SEMA5A: variants seen among roughly 807,000 people sequenced by gnomAD.
The protein encoded by SEMA5A is semaphorin 5A, also known as semaphorin-5A.
A neutral mutation model predicts 135.5 loss-of-function variants in SEMA5A; 55 were observed. That is an observed-to-expected ratio of 0.41 (90% CI 0.33 to 0.51). SEMA5A has a LOEUF of 0.51. Among genes scored for constraint, SEMA5A ranks in the 20% least tolerant of loss-of-function variants. The pLI is 0.37. For synonymous variants in SEMA5A, 580 were observed against 546.5 expected, an observed-to-expected ratio of 1.06 and a Z score of -0.85; for missense variants, 1,290 against 1,419.9, an observed-to-expected ratio of 0.91 and a Z score of 1.47.
At chr5:9,165,049 A>C (rs1000115377) in intron 11 of SEMA5A, among the ~76,000 whole-genome samples, 1 of 152,162 alleles carries the variant, frequency 6.6e-6, no homozygotes, top group African/African-American at 2.4e-5. Context: ...TTTAATGCTT[A>C]AACAGTATTT....
At chr5:9,499,677 C>CT (rs1291074201) in intron 1 of SEMA5A, among the ~76,000 whole-genome samples, 6 of 152,198 alleles carry the variant, frequency 3.9e-5, no homozygotes, top group Admixed American at 3.9e-4. Flanking sequence ...TTTTACTTCT[C>CT]TTTTATCGCT....
intron 1 of SEMA5A, among the ~76,000 whole-genome samples, chr5:9,537,385 G>C (rs745452298): frequency 5.3e-5 from 8 of 152,136 alleles, no homozygotes; most frequent in Non-Finnish European, 1.0e-4. Flanking sequence ...GAGAACATTA[G>C]CTTGTTGAAA....
chr5:9,532,818 CCAAAG>C (rs1737530323), intron 1 of SEMA5A, among the ~76,000 whole-genome samples: 3 of 152,120 alleles, frequency 2.0e-5, no homozygotes, highest in Non-Finnish European at 4.4e-5. Context: ...TTCATGTAAA[CCAAAG>C]AGAAGAGTGA....
chr5:9,114,751 T>G lies in SEMA5A; in HGVS notation c.1925+4247A>C, dbSNP rs951636425. Among the ~76,000 whole-genome samples the G allele has an allele frequency of 2.0e-5, 3 of 152,222 alleles. 1 individual carries two copies. Among genetic ancestry groups the G allele is most frequent in the Admixed American group, 6.5e-5 (1 of 15,290 alleles). On this transcript the variant is annotated intron_variant, in intron 15 of 22. Coordinates refer to ENST00000382496, the MANE Select transcript of SEMA5A (RefSeq NM_003966.3). ...TTAAACTAAAAGAACAGGAACTGGA[T>G]GATTTTGGAAATCAGTCACTTTTAA...
intron 6 of SEMA5A, among the ~76,000 whole-genome samples, chr5:9,234,617 C>T (rs1018299968): frequency 6.6e-6 from 1 of 152,050 alleles, no homozygotes; most frequent in Non-Finnish European, 1.5e-5. Flanking sequence ...CTTAAGGCAA[C>T]CTAAAAGAAC....
intron 11 of SEMA5A, among the ~76,000 whole-genome samples, chr5:9,170,336 T>C (rs1339821164): frequency 6.6e-6 from 1 of 152,226 alleles, no homozygotes; most frequent in Non-Finnish European, 1.5e-5. Flanking sequence ...TAGATACCCA[T>C]GCATGTCACT....
intron 2 of SEMA5A, among the ~76,000 whole-genome samples, chr5:9,429,395 T>C (rs1429037816): frequency 6.6e-6 from 1 of 152,202 alleles, no homozygotes; most frequent in Non-Finnish European, 1.5e-5. Flanking sequence ...CTTAGTCCCT[T>C]ACCTCACCTA....
chr5:9,184,138 G>T (rs1464048512), intron 11 of SEMA5A, among the ~76,000 whole-genome samples: 1 of 151,680 alleles, frequency 6.6e-6, no homozygotes, highest in Admixed American at 6.6e-5. Flanking sequence ...TTTATTCTTG[G>T]ATGAGTATAA....
Position 9,042,965 on chromosome 5 carries a change from G to T in SEMA5A, c.3157C>A (p.Pro1053Thr). Residue 1053 changes from proline (P) to threonine (T), a missense_variant, in exon 23 of 23, where the codon CCA (proline) becomes ACA (threonine). Pro to Thr is a conservative substitution (Grantham distance 38, BLOSUM62 -1). This residue lies in a region of SEMA5A where 1,029 missense variants were observed against 1,086.6 expected (regional missense o/e 0.95). Transcript: ENST00000382496. The part of the protein sequence containing the change: ...ILEERNKYFN[P>T]HLTGKTYSNA... Reference sequence around the variant, plus strand: ...GAATAGGTCTTCCCAGTGAGATGTGGGTTGAAGTATTTGTTTCTTTCCTCT... The same window carrying T: ...GAATAGGTCTTCCCAGTGAGATGTGTGTTGAAGTATTTGTTTCTTTCCTCT... 1 of 1,612,592 alleles carries T rather than the reference G, an allele frequency of 6.2e-7. No homozygotes were observed. Among genetic ancestry groups the T allele is most frequent in the Non-Finnish European group, 8.5e-7 (1 of 1,178,792 alleles).
At chr5:9,255,360 A>G (rs538909722) in intron 5 of SEMA5A, among the ~76,000 whole-genome samples, 1 of 152,324 alleles carries the variant, frequency 6.6e-6, no homozygotes, top group South Asian at 2.1e-4. Context: ...GGTGCTGACC[A>G]CATTATGGGT....
chr5:9,065,178 G>T (rs139173078), intron 17 of SEMA5A, among the ~76,000 whole-genome samples: 1 of 152,200 alleles, frequency 6.6e-6, no homozygotes, highest in Non-Finnish European at 1.5e-5. Flanking sequence ...GAGGAGAGGA[G>T]AGAGTTAATG....
At chr5:9,473,875 A>C (rs773473087) in intron 1 of SEMA5A, among the ~76,000 whole-genome samples, 9 of 152,184 alleles carry the variant, frequency 5.9e-5, no homozygotes, top group Non-Finnish European at 1.0e-4. Flanking sequence ...TGAGCAGCAC[A>C]GCAGTCCAAA....
chr5:9,162,396 GTGTGTGTGTATATATA>G lies in SEMA5A; in HGVS notation c.1274-7717_1274-7702del, dbSNP rs1479699461. On this transcript the variant is annotated intron_variant, in intron 11 of 22. Coordinates refer to ENST00000382496, the MANE Select transcript of SEMA5A (RefSeq NM_003966.3). Reference sequence around the variant, plus strand: ...TTCAAACAAACATGTGTGTGTGTGTGTGTGTGTGTATATATATGTGTGTGTATATATATGTATATAT... The same window carrying G: ...TTCAAACAAACATGTGTGTGTGTGTGTGTGTGTGTATATATATGTATATAT... 1.6e-4 allele frequency among the ~76,000 whole-genome samples: 22 copies of G among 138,570 alleles called. No individual in the cohort carries two copies. In the East Asian group the frequency reaches 4.1e-3, roughly 26 times the overall value. 90.9% of individuals were successfully genotyped at this position (138,570 alleles called of 152,430 possible). A position where few individuals can be genotyped will look rare whatever the true frequency, so the allele number is the denominator to read the frequency against.
intron 16 of SEMA5A, among the ~76,000 whole-genome samples, chr5:9,104,194 G>T (rs1031003069): frequency 1.3e-5 from 2 of 152,078 alleles, no homozygotes; most frequent in Admixed American, 1.3e-4. Context: ...ATCTTTCTCA[G>T]GCTGATTTTT....
At chr5:9,221,539 T>G (rs1179459710) in intron 8 of SEMA5A, among the ~76,000 whole-genome samples, 6 of 152,040 alleles carry the variant, frequency 3.9e-5, no homozygotes, top group South Asian at 4.1e-4. Context: ...CCTGACCTCG[T>G]GATCCGCCCG....
chr5:9,474,486 T>A (rs1467948101), intron 1 of SEMA5A, among the ~76,000 whole-genome samples: 1 of 146,896 alleles, frequency 6.8e-6, no homozygotes. Flanking sequence ...GAAGCATGCT[T>A]AAAAAAAAAA....
chr5:9,337,095 T>C (rs563448631), intron 4 of SEMA5A, among the ~76,000 whole-genome samples: 2 of 152,226 alleles, frequency 1.3e-5, no homozygotes, highest in Non-Finnish European at 2.9e-5. Flanking sequence ...AGTGGCCTCA[T>C]TGTCAAACTG....
At chr5:9,447,337 T>C (rs1758470517) in intron 1 of SEMA5A, among the ~76,000 whole-genome samples, 1 of 152,232 alleles carries the variant, frequency 6.6e-6, no homozygotes, top group South Asian at 2.1e-4. Context: ...AATTGCGTTT[T>C]GCCTTGGAAG....
At chr5:9,293,648 A>AT (rs796561088) in intron 5 of SEMA5A, among the ~76,000 whole-genome samples, 113 of 152,252 alleles carry the variant, frequency 7.4e-4, no homozygotes, top group African/African-American at 2.6e-3. Context: ...GTGTTATTTG[A>AT]TCATCTAATT....
Sources: allele counts gnomAD v4.1 joint callset (sites outside exome capture counted in the v4.1 genomes callset), GRCh38; gene constraint gnomAD v4.1.1; regional missense constraint gnomAD v4.1.1; transcripts MANE v1.5; gene names NCBI Gene and HGNC (gene_info 2026-07-23, HGNC 2026-07-21).